The following ZNF48 variants were observed in gnomAD, a reference collection of about 807,000 sequenced individuals.
The protein encoded by ZNF48 is zinc finger protein 553.
A neutral mutation model predicts 40.0 loss-of-function variants in ZNF48; 20 were observed. That is an observed-to-expected ratio of 0.50 (90% CI 0.35 to 0.73). The LOEUF is 0.73. Ranked by LOEUF, ZNF48 falls within the 30% of genes least tolerant of loss-of-function variation. The pLI, the probability that ZNF48 is intolerant of heterozygous loss-of-function variation, is 0.01. For synonymous variants in ZNF48, 298 were observed against 329.7 expected (o/e 0.90, Z 1.04); for missense variants, 726 against 851.9 (o/e 0.85, Z 1.84).
intron 1 of ZNF48, among the ~76,000 whole-genome samples, chr16:30,385,104 G>A (rs2049890264): frequency 6.6e-6 from 1 of 151,728 alleles, no homozygotes; most frequent in Admixed American, 6.6e-5. Flanking sequence ...GAACCTGGGA[G>A]GTGAAGTTTG....
chr16:30,382,792 CGTG>C lies in ZNF48; in HGVS notation c.-16+4386_-16+4388del. 6.5e-7 allele frequency: 1 copy of C among 1,535,618 alleles called. No homozygotes were observed. Among genetic ancestry groups the C allele is most frequent in the Non-Finnish European group, 8.7e-7 (1 of 1,146,674 alleles). On this transcript the variant is annotated intron_variant, in intron 1 of 2. Coordinates refer to the ZNF48 transcript ENST00000528032. This position sits in a 1 kb window ranked among gnomAD's most constrained non-coding sequence, Gnocchi z 4.8. ...CCAAGTCCCACTGTAGCTCCATCATCGTGGTGAGACATGGGGTATGTGCAGAGA... is the reference window on the plus strand; with the variant it reads ...CCAAGTCCCACTGTAGCTCCATCATCGTGAGACATGGGGTATGTGCAGAGA...
At chr16:30,386,272 C>G (rs2049899869) in intron 1 of ZNF48, among the ~76,000 whole-genome samples, 1 of 151,960 alleles carries the variant, frequency 6.6e-6, no homozygotes, top group African/African-American at 2.4e-5. Context: ...GAGCGAGACC[C>G]TGTCTCAAAA....
intron 2 of ZNF48, 132 bp downstream of exon 2, chr16:30,396,005 C>T: frequency 1.0e-6 from 1 of 967,674 alleles, no homozygotes; most frequent in Non-Finnish European, 1.4e-6. Flanking sequence ...GGGAGGGGAG[C>T]TTTCGGAGCA....
Position 30,382,624 on chromosome 16 carries a change from C to T in ZNF48, c.-16+4214C>T, listed in dbSNP as rs757242146. 2 of 1,546,848 alleles carry T rather than the reference C, an allele frequency of 1.3e-6. No homozygotes were observed. The highest frequency in any genetic ancestry group is 1.7e-6 in the Non-Finnish European group (2 of 1,147,040). On this transcript the variant is annotated intron_variant, in intron 1 of 2. Coordinates refer to the ZNF48 transcript ENST00000528032. This position sits in a 1 kb window ranked among gnomAD's most constrained non-coding sequence, Gnocchi z 4.8. Reference sequence around the variant, plus strand: ...CTAACAAGGGGGCGGGCAGAAGAGGCAGCTGAGATGCTCAAACTGGCCCAG... The same window carrying T: ...CTAACAAGGGGGCGGGCAGAAGAGGTAGCTGAGATGCTCAAACTGGCCCAG...
At chr16:30,380,953 C>A in intron 1 of ZNF48, 1 of 676,760 alleles carries the variant, frequency 1.5e-6, no homozygotes, top group Admixed American at 2.4e-5. Context: ...CTATTTTGAG[C>A]CTTCAGAGAC....
intron 1 of ZNF48, chr16:30,379,253 G>T: frequency 6.3e-7 from 1 of 1,581,646 alleles, no homozygotes; most frequent in African/African-American, 1.3e-5. Flanking sequence ...TAAGGGTCGG[G>T]TCTACAGGAA....
At position 30,387,284 on chromosome 16, in the gene ZNF48, A is replaced by G. The variant is rs1426739009; in HGVS notation, c.-15-8496A>G. ...AAAGACAGTGTTTCGGCGGGGCGCC[A>G]TGGCTCACTCCTGTAATCCCAGCAC... is the stretch of plus-strand genomic sequence containing the variant. On this transcript the variant is annotated intron_variant, in intron 1 of 2. Transcript: ENST00000528032. Among the ~76,000 whole-genome samples the G allele has an allele frequency of 3.7e-5, 5 of 133,768 alleles. 1 individual carries two copies. The highest frequency in any genetic ancestry group is 2.6e-4 in the East Asian group (1 of 3,790). The allele number at this position is 133,768 out of a possible 152,430, so 87.8% of individuals were successfully genotyped here.
chr16:30,379,096 T>C lies in ZNF48; in HGVS notation c.-16+686T>C, dbSNP rs142100728. ...GGCCCGGTAGCCCTCGTAGAGCAGATCGTGCGTCACCTCTTTCAGGTCCTG... is the reference window on the plus strand; with the variant it reads ...GGCCCGGTAGCCCTCGTAGAGCAGACCGTGCGTCACCTCTTTCAGGTCCTG... On this transcript the variant is annotated intron_variant, in intron 1 of 2. Transcript: ENST00000528032. 4,668 of 1,614,012 alleles carry C rather than the reference T, an allele frequency of 2.9e-3. 18 individuals carry two copies. The highest frequency in any genetic ancestry group is 6.1e-3 in the South Asian group (557 of 91,074).
At chr16:30,390,637 T>TGA (rs2049935763), upstream of ZNF48, among the ~76,000 whole-genome samples, 1 of 81,198 alleles carries the variant, frequency 1.2e-5, no homozygotes, top group African/African-American at 5.0e-5. Context: ...TTTTTTTTTT[T>TGA]TTGAGATGGA....
chr16:30,378,555 G>C, intron 1 of ZNF48: 2 of 1,604,058 alleles, frequency 1.2e-6, no homozygotes, highest in Non-Finnish European at 1.7e-6. Flanking sequence ...GTGACCTGGC[G>C]AAGCCAGAGG....
At chr16:30,385,346 G>A (rs894620964) in intron 1 of ZNF48, among the ~76,000 whole-genome samples, 4 of 152,082 alleles carry the variant, frequency 2.6e-5, no homozygotes, top group Non-Finnish European at 5.9e-5. Flanking sequence ...TCTGAAATCA[G>A]CCGGGTGTGG....
chr16:30,382,078 T>G lies in ZNF48; in HGVS notation c.-16+3668T>G, dbSNP rs1217780161. ...GACAGGGGCTACTGCCTCAAGAGGGTGGGGAGGGTCTTACCACTGGCCTCT... is the reference window on the plus strand; with the variant it reads ...GACAGGGGCTACTGCCTCAAGAGGGGGGGGAGGGTCTTACCACTGGCCTCT... On this transcript the variant is annotated intron_variant, in intron 1 of 2. Transcript: ENST00000528032. The surrounding 1 kb of genome is among the most constrained non-coding windows in gnomAD (Gnocchi z 4.8). The G allele has an allele frequency of 1.1e-5, 17 of 1,577,030 alleles. No individual in the cohort carries two copies. The highest frequency in any genetic ancestry group is 1.5e-5 in the Non-Finnish European group (17 of 1,160,988).
chr16:30,394,023 T>C (rs1374881367), upstream of ZNF48, among the ~76,000 whole-genome samples: 1 of 151,020 alleles, frequency 6.6e-6, no homozygotes, highest in Non-Finnish European at 1.5e-5. Context: ...CAGCCCATTC[T>C]CTCTCTCTTT....
chr16:30,396,251 C>T (rs2049983696), intron 2 of ZNF48, among the ~76,000 whole-genome samples: 1 of 152,182 alleles, frequency 6.6e-6, no homozygotes, highest in African/African-American at 2.4e-5. Flanking sequence ...GTCCCCCAGT[C>T]TCCTAATTAA....
chr16:30,398,328 G>T lies in ZNF48; in HGVS notation c.1078G>T (p.Ala360Ser), dbSNP rs1223318495. The change falls in exon 3 of 3, where the codon GCC becomes TCC. Residue 360 changes from alanine (A) to serine (S), a missense_variant. Coordinates refer to ENST00000613509, the MANE Select transcript of ZNF48 (RefSeq NM_001214909.2). The surrounding 1 kb of genome is among the most constrained non-coding windows in gnomAD (Gnocchi z 6.6). The part of the protein sequence containing the change: ...LRTHSGERPH[A>S]CPECDRTFSL... ...CACCCACAGTGGCGAGAGGCCCCATGCCTGCCCGGAATGCGACCGTACCTT... is the reference window on the plus strand; with the variant it reads ...CACCCACAGTGGCGAGAGGCCCCATTCCTGCCCGGAATGCGACCGTACCTT... 1 of 1,611,604 alleles carries T rather than the reference G, an allele frequency of 6.2e-7. No individual in the cohort carries two copies. The highest frequency in any genetic ancestry group is 1.3e-5 in the African/African-American group (1 of 74,352).
In ZNF48 at chr16:30,382,562, C is replaced by A. The variant is rs1414774097; in HGVS notation, c.-16+4152C>A. 6.3e-7 allele frequency: 1 copy of A among 1,586,024 alleles called. No homozygotes were observed. The highest frequency in any genetic ancestry group is 2.3e-5 in the East Asian group (1 of 43,960). ...AGCCATCACTGCACCTGCCGTCTCT[C>A]CCCACTTCCTCTGGTGGGGCAGGAA... On this transcript the variant is annotated intron_variant, in intron 1 of 2. Transcript: ENST00000528032. This position sits in a 1 kb window ranked among gnomAD's most constrained non-coding sequence, Gnocchi z 4.8.
chr16:30,379,414 C>T, intron 1 of ZNF48: 1 of 1,604,646 alleles, frequency 6.2e-7, no homozygotes, highest in Non-Finnish European at 8.5e-7. Context: ...GGCCTTAGGA[C>T]CCCTGCCTGG....
chr16:30,396,942 T>C (rs1185867967), intron 2 of ZNF48, among the ~76,000 whole-genome samples: 1 of 152,018 alleles, frequency 6.6e-6, no homozygotes, highest in Admixed American at 6.6e-5. Flanking sequence ...TCCACCCACC[T>C]CGGCCTCCCA....
chr16:30,397,359 C>A lies in ZNF48; in HGVS notation c.109C>A (p.Pro37Thr). The A allele has an allele frequency of 6.2e-7, 1 of 1,613,426 alleles. No homozygotes were observed. The highest frequency in any genetic ancestry group is 8.5e-7 in the Non-Finnish European group (1 of 1,179,692). ...AGGGAGTGAGAACGTGATTTCTCAG[C>A]CGAATGAGTTTGAACATACCCCACA... ...GLGSENVISQ[P>T]NEFEHTPQED... Residue 37 changes from proline to threonine, a missense_variant, in exon 3 of 3, where the codon CCG becomes ACG. By Grantham distance (38) the Pro-to-Thr change is conservative. Coordinates refer to ENST00000613509, the MANE Select transcript of ZNF48 (RefSeq NM_001214909.2). This position sits in a 1 kb window ranked among gnomAD's most constrained non-coding sequence, Gnocchi z 4.1.
Sources: allele counts gnomAD v4.1 joint callset (sites outside exome capture counted in the v4.1 genomes callset), GRCh38; gene constraint gnomAD v4.1.1; non-coding constraint Gnocchi (gnomAD v3.1); transcripts MANE v1.5; gene names NCBI Gene and HGNC (gene_info 2026-07-23, HGNC 2026-07-21).